The following OTOG variants were observed in gnomAD, a reference collection of about 807,000 sequenced individuals.
OTOG encodes the protein otogelin.
In OTOG, 296 loss-of-function variants were observed where a neutral mutation model predicts 313.8. The observed-to-expected ratio is 0.94, with a 90% CI of 0.86 to 1.04. The LOEUF is 1.04. OTOG is among the 50% of genes least tolerant of loss of function. OTOG has a pLI of 0.00. For missense variants in OTOG, 3,948 were observed against 3,840.1 expected, an observed-to-expected ratio of 1.03 and a Z score of -0.74; for synonymous variants, 1,533 against 1,554.9, an observed-to-expected ratio of 0.99 and a Z score of 0.33.
At chr11:17,561,066 T>G (rs975168887) in intron 13 of OTOG, 25 bp from the exon 14 acceptor site, 1 of 1,550,524 alleles carries the variant, frequency 6.4e-7, no homozygotes, top group Non-Finnish European at 8.7e-7. Flanking sequence ...GGTGACCTCT[T>G]GCCTCCTTGG....
intron 49 of OTOG, among the ~76,000 whole-genome samples, chr11:17,639,957 G>T (rs11024354): frequency 0.13 from 17,337 of 137,242 alleles, 1,288 homozygotes; most frequent in Non-Finnish European, 0.18. Flanking sequence ...TGATGGTGGT[G>T]GTGGGGACAG....
intron 29 of OTOG, 51 bp from the exon 30 acceptor site, chr11:17,596,800 A>T (rs1853120435): frequency 6.0e-6 from 9 of 1,491,892 alleles, no homozygotes; most frequent in Non-Finnish European, 8.2e-6. Flanking sequence ...AAAGATGCAG[A>T]TCTGACATTT....
At chr11:17,602,170 G>T in intron 31 of OTOG, 40 bp from the exon 32 acceptor site, 1 of 1,546,224 alleles carries the variant, frequency 6.5e-7, no homozygotes, top group Non-Finnish European at 8.7e-7. Flanking sequence ...AGGTGGGCAG[G>T]CCATGGGGCC....
chr11:17,553,585 G>T, intron 6 of OTOG, 66 bp downstream of exon 6: 1 of 1,310,762 alleles, frequency 7.6e-7, no homozygotes. Context: ...GCACTGGCCT[G>T]GGCTCTACTT....
intron 6 of OTOG, among the ~76,000 whole-genome samples, chr11:17,554,722 C>T (rs984577443): frequency 2.0e-5 from 3 of 152,220 alleles, no homozygotes; most frequent in Non-Finnish European, 2.9e-5. Context: ...CTCTCTGCCT[C>T]GGCCTATCAC....
chr11:17,642,333 T>G (rs1590063480), intron 53 of OTOG, 87 bp downstream of exon 53: 6 of 1,432,942 alleles, frequency 4.2e-6, no homozygotes, highest in Non-Finnish European at 9.2e-7. Context: ...TGTGCAGGAG[T>G]GCAGGAAGAA....
chr11:17,548,032 C>T (rs111644006), intron 2 of OTOG, 45 bp downstream of exon 2: 312 of 1,110,848 alleles, frequency 2.8e-4, no homozygotes, highest in African/African-American at 1.5e-3. Context: ...AGCTCCCATC[C>T]GTATTTCTGG....
At chr11:17,568,663 T>A (rs751058158) in intron 15 of OTOG, among the ~76,000 whole-genome samples, 27 of 152,176 alleles carry the variant, frequency 1.8e-4, no homozygotes, top group Non-Finnish European at 3.1e-4. Flanking sequence ...GAGGGAGGTA[T>A]AAAAGGGGCC....
At chr11:17,602,969 T>C (rs1208962901) in intron 32 of OTOG, among the ~76,000 whole-genome samples, 1 of 152,224 alleles carries the variant, frequency 6.6e-6, no homozygotes, top group Non-Finnish European at 1.5e-5. Flanking sequence ...ATAGAGGATG[T>C]TCCCCTAAGA....
intron 27 of OTOG, 110 bp from the exon 28 acceptor site, chr11:17,593,937 A>C: frequency 6.9e-7 from 1 of 1,452,328 alleles, no homozygotes; most frequent in South Asian, 1.3e-5. Context: ...CTGTGACCTC[A>C]GCAGTGGCTT....
At chr11:17,553,036 T>G in intron 4 of OTOG, 83 bp from the exon 5 acceptor site, 1 of 1,281,146 alleles carries the variant, frequency 7.8e-7, no homozygotes, top group Non-Finnish European at 1.1e-6. Flanking sequence ...GGGGTCTGGA[T>G]CCTGTGAAGC....
At position 17,638,795 on chromosome 11, in the gene OTOG, G is replaced by A. The variant is rs144908787; in HGVS notation, c.7894+246G>A. The A allele has an allele frequency of 4.3e-3, 6,404 of 1,496,242 alleles. 23 individuals carry two copies. The highest frequency in any genetic ancestry group is 5.1e-3 in the Non-Finnish European group (5,686 of 1,113,546). 92.7% of individuals were successfully genotyped at this position (1,496,242 alleles called of 1,614,324 possible). On this transcript the variant is annotated intron_variant, in intron 48 of 55. Transcript: ENST00000399397. ...GTTTCCCATTCCAAAGAGGGTTTCC[G>A]TCTTAAAAAGTCCTTACTGCGGCCG...
At position 17,575,623 on chromosome 11, in the gene OTOG, C is replaced by G. The variant is rs555155732; in HGVS notation, c.2486+711C>G. Among the ~76,000 whole-genome samples the G allele has an allele frequency of 3.9e-5, 6 of 152,260 alleles. No individual in the cohort carries two copies. The South Asian group carries it at 1.2e-3, about 32-fold the overall frequency. On this transcript the variant is annotated intron_variant, in intron 20 of 55. Coordinates refer to ENST00000399397, the MANE Select transcript of OTOG (RefSeq NM_001292063.2). ...GCAAGGTCCTTGGTCCCTTCCAGGC[C>G]TCTGTTTCTCCGTCTGTAAAATGAT...
chr11:17,583,311 T>A (rs562466457), intron 23 of OTOG, among the ~76,000 whole-genome samples: 2 of 152,184 alleles, frequency 1.3e-5, no homozygotes, highest in African/African-American at 4.8e-5. Context: ...ATTTTTTAAA[T>A]TTTTTGTAGA....
Position 17,612,174 on chromosome 11 carries a change from C to T in OTOG, c.6136C>T (p.Gln2046Ter). ...TSTTCVPIAE[Q>*]DCVRHICLEG... The stretch of plus-strand genomic sequence containing the variant: ...ACTCTGTACCCAGCCAATCGCCGAG[C>T]AGGACTGCGTCCGCCACATCTGCCT... Residue 2046 changes from glutamine (Q) to a stop codon, truncating the protein, a stop_gained, in exon 37 of 56, where the codon CAG becomes TAG. Transcript: ENST00000399397. LOFTEE classifies it high-confidence loss of function. The T allele has an allele frequency of 6.5e-7, 1 of 1,549,518 alleles. No individual in the cohort carries two copies. The highest frequency in any genetic ancestry group is 8.7e-7 in the Non-Finnish European group (1 of 1,146,980).
chr11:17,569,904 T>A (rs1852367632), intron 16 of OTOG, among the ~76,000 whole-genome samples: 1 of 152,252 alleles, frequency 6.6e-6, no homozygotes, highest in Admixed American at 6.5e-5. Context: ...GAATCCTCCT[T>A]CTGCTAGAGG....
intron 47 of OTOG, among the ~76,000 whole-genome samples, chr11:17,637,478 G>T (rs1025522881): frequency 1.3e-5 from 2 of 152,128 alleles, no homozygotes; most frequent in African/African-American, 4.8e-5. Flanking sequence ...TTCACCAGTT[G>T]CTTTCTTTTG....
chr11:17,602,608 G>C (rs746404751), intron 32 of OTOG, among the ~76,000 whole-genome samples: 1 of 152,192 alleles, frequency 6.6e-6, no homozygotes, highest in South Asian at 2.1e-4. Context: ...GTGTGCCTCT[G>C]TACCTTGCTG....
chr11:17,559,418 A>C, intron 11 of OTOG, 116 bp from the exon 12 acceptor site: 2 of 1,377,774 alleles, frequency 1.5e-6, no homozygotes, highest in Non-Finnish European at 2.0e-6. Context: ...TGGGACTAGG[A>C]AATCATGAAA....
Sources: allele counts gnomAD v4.1 joint callset (sites outside exome capture counted in the v4.1 genomes callset), GRCh38; gene constraint gnomAD v4.1.1; transcripts MANE v1.5; gene names NCBI Gene and HGNC (gene_info 2026-07-23, HGNC 2026-07-21).